The following PCSK5 variants were observed in gnomAD, a reference collection of about 807,000 sequenced individuals.
The protein encoded by PCSK5 is proprotein convertase subtilisin/kexin type 5.
A neutral mutation model predicts 233.2 loss-of-function variants in PCSK5; 129 were observed. The observed-to-expected ratio is 0.55, with a 90% CI of 0.48 to 0.64. The LOEUF is 0.64. Among genes scored for constraint, PCSK5 ranks in the 30% least tolerant of loss-of-function variants. PCSK5 has a pLI of 0.00. For missense variants in PCSK5, 2,076 were observed against 2,430.1 expected, an observed-to-expected ratio of 0.85 and a Z score of 3.06; for synonymous variants, 825 against 879.2, an observed-to-expected ratio of 0.94 and a Z score of 1.09.
At chr9:76,226,223 T>C (rs1825885888) in intron 20 of PCSK5, among the ~76,000 whole-genome samples, 1 of 152,212 alleles carries the variant, frequency 6.6e-6, no homozygotes, top group African/African-American at 2.4e-5. Context: ...AGAATAACCC[T>C]ACATGAAAGG....
chr9:75,904,653 T>G (rs953650754), intron 1 of PCSK5, among the ~76,000 whole-genome samples: 4 of 152,200 alleles, frequency 2.6e-5, no homozygotes, highest in Admixed American at 6.5e-5. Context: ...TTGATGAGAA[T>G]GTGGAGAAAT....
At chr9:76,249,539 A>G (rs1826734587) in intron 24 of PCSK5, among the ~76,000 whole-genome samples, 1 of 152,222 alleles carries the variant, frequency 6.6e-6, no homozygotes, top group African/African-American at 2.4e-5. Context: ...AGAAGCTACA[A>G]TACCCCAGCA....
At chr9:76,215,385 G>T (rs1424079366) in intron 20 of PCSK5, among the ~76,000 whole-genome samples, 1 of 152,176 alleles carries the variant, frequency 6.6e-6, no homozygotes, top group Non-Finnish European at 1.5e-5. Context: ...CCAGGGAAAG[G>T]CAGGCTTCCT....
intron 7 of PCSK5, among the ~76,000 whole-genome samples, chr9:76,095,067 A>G (rs1388713263): frequency 6.6e-6 from 1 of 152,238 alleles, no homozygotes; most frequent in Admixed American, 6.5e-5. Flanking sequence ...TACAATAAGC[A>G]TTCATTTATT....
At chr9:76,297,145 G>A (rs569173185) in intron 27 of PCSK5, among the ~76,000 whole-genome samples, 30 of 152,228 alleles carry the variant, frequency 2.0e-4, no homozygotes, top group African/African-American at 5.3e-4. Context: ...AAGCAGGCCC[G>A]GAAGCAAGTG....
chr9:75,944,177 GA>G (rs67822628), intron 2 of PCSK5, among the ~76,000 whole-genome samples: 1 of 141,686 alleles, frequency 7.1e-6, no homozygotes. Flanking sequence ...AAGAAAGAAA[GA>G]AAAAAAATAT....
chr9:76,300,150 A>G (rs778348557), intron 27 of PCSK5, among the ~76,000 whole-genome samples: 4 of 152,238 alleles, frequency 2.6e-5, no homozygotes, highest in Non-Finnish European at 5.9e-5. Context: ...AGTTAGTCAC[A>G]AACACTGAAA....
At chr9:76,223,703 G>A (rs1430273184) in intron 20 of PCSK5, among the ~76,000 whole-genome samples, 1 of 152,174 alleles carries the variant, frequency 6.6e-6, no homozygotes, top group Non-Finnish European at 1.5e-5. Flanking sequence ...ATGCCAGAAA[G>A]AAGAGCTTGT....
intron 9 of PCSK5, among the ~76,000 whole-genome samples, chr9:76,128,904 A>G (rs977632262): frequency 6.6e-6 from 1 of 152,200 alleles, no homozygotes; most frequent in African/African-American, 2.4e-5. Flanking sequence ...ATTATTGTAG[A>G]ACACAAAACA....
At chr9:76,070,056 A>G (rs901077293) in intron 6 of PCSK5, among the ~76,000 whole-genome samples, 10 of 142,208 alleles carry the variant, frequency 7.0e-5, no homozygotes, top group Non-Finnish European at 1.3e-4. Flanking sequence ...GCTGGAGTGC[A>G]GTGGCATGAT....
chr9:76,068,466 C>G (rs1401528794), intron 6 of PCSK5, among the ~76,000 whole-genome samples: 4 of 151,500 alleles, frequency 2.6e-5, no homozygotes, highest in Non-Finnish European at 5.9e-5. Context: ...GTTTTTTTTC[C>G]TTTGGCTTAG....
intron 18 of PCSK5, 62 bp from the exon 19 acceptor site, chr9:76,189,032 C>T (rs1204636051): frequency 2.0e-6 from 3 of 1,489,718 alleles, no homozygotes; most frequent in South Asian, 1.2e-5. Flanking sequence ...AAAGAAGAAG[C>T]CCATGACACC....
chr9:76,175,464 T>C, intron 14 of PCSK5: 1 of 393,336 alleles, frequency 2.5e-6, no homozygotes, highest in Non-Finnish European at 4.5e-6. Context: ...ATATTGCGAT[T>C]GTACCATAAT....
intron 12 of PCSK5, among the ~76,000 whole-genome samples, chr9:76,160,316 C>T (rs565388330): frequency 3.2e-4 from 48 of 152,248 alleles, no homozygotes; most frequent in African/African-American, 1.1e-3. Flanking sequence ...TGGTTGGGAG[C>T]ATGGGAGAAA....
intron 2 of PCSK5, among the ~76,000 whole-genome samples, chr9:75,941,309 A>T (rs1384152206): frequency 2.0e-5 from 3 of 151,932 alleles, no homozygotes; most frequent in African/African-American, 7.3e-5. Flanking sequence ...GTGTGTTGAG[A>T]TCTGTGGCTT....
At chr9:76,276,135 C>G (rs28725352) in intron 24 of PCSK5, among the ~76,000 whole-genome samples, 5,616 of 152,208 alleles carry the variant, frequency 0.037, 335 homozygotes, top group African/African-American at 0.13. Context: ...TCTTTACTTT[C>G]TCTCAAATCT....
At chr9:76,260,006 T>G (rs1827117927) in intron 24 of PCSK5, among the ~76,000 whole-genome samples, 1 of 152,186 alleles carries the variant, frequency 6.6e-6, no homozygotes, top group Non-Finnish European at 1.5e-5. Context: ...TGCTTTCATC[T>G]TGTTAGGTGT....
chr9:76,203,412 A>G (rs1824990115), intron 20 of PCSK5, among the ~76,000 whole-genome samples: 1 of 151,912 alleles, frequency 6.6e-6, no homozygotes, highest in Admixed American at 6.6e-5. Flanking sequence ...AACTTAAAAT[A>G]GAGAGATCAG....
At chr9:76,188,725 T>C (rs1196208653) in intron 18 of PCSK5, 50 bp downstream of exon 18, 2 of 1,424,224 alleles carry the variant, frequency 1.4e-6, no homozygotes, top group African/African-American at 2.8e-5. Flanking sequence ...GTTTTGCTTT[T>C]CTTTCTGGTT....
Sources: allele counts gnomAD v4.1 joint callset (sites outside exome capture counted in the v4.1 genomes callset), GRCh38; gene constraint gnomAD v4.1.1; transcripts MANE v1.5; gene names NCBI Gene and HGNC (gene_info 2026-07-23, HGNC 2026-07-21).